MAD2L1: variants seen among roughly 807,000 people sequenced by gnomAD.
The protein encoded by MAD2L1 is mitotic arrest deficient 2 like 1, also known as mitotic spindle assembly checkpoint protein MAD2A.
A neutral mutation model predicts 25.9 loss-of-function variants in MAD2L1; 10 were observed. The observed-to-expected ratio is 0.39, with a 90% CI of 0.24 to 0.66. The LOEUF (loss-of-function observed/expected upper bound fraction) is 0.66, where lower values mean the gene tolerates loss of function less well. Among genes scored for constraint, MAD2L1 ranks in the 30% least tolerant of loss-of-function variants. The pLI, the probability that MAD2L1 is intolerant of heterozygous loss-of-function variation, is 0.49. For synonymous variants in MAD2L1, 81 were observed against 91.8 expected, an observed-to-expected ratio of 0.88 and a Z score of 0.67; for missense variants, 180 against 246.4, an observed-to-expected ratio of 0.73 and a Z score of 1.80.
At position 120,058,755 on chromosome 4, in the gene MAD2L1, A is replaced by C. The variant is rs996647865; in HGVS notation, c.*1363T>G. On this transcript the variant is annotated 3_prime_UTR_variant, in exon 5 of 5. Coordinates refer to ENST00000296509, the MANE Select transcript of MAD2L1 (RefSeq NM_002358.4). ...GTAACACCAGTGGTCCACTTATTCC[A>C]TAAAGATATGAAGAGTCTACAAATT... 2.6e-5 allele frequency: 4 copies of C among 152,234 alleles called. No homozygotes were observed. The highest frequency in any genetic ancestry group is 5.9e-5 in the Non-Finnish European group (4 of 68,036). The allele number at this position is 152,234 out of a possible 1,614,324, so 9.4% of individuals were successfully genotyped here.
At chr4:120,064,269 C>T (rs1726276422) in intron 2 of MAD2L1, among the ~76,000 whole-genome samples, 2 of 152,244 alleles carry the variant, frequency 1.3e-5, no homozygotes, top group Middle Eastern at 3.4e-3. Flanking sequence ...TCCTGACCCC[C>T]AATTTTGGAT....
At chr4:120,060,381 T>A in intron 4 of MAD2L1, 91 bp from the exon 5 acceptor site, 1 of 1,011,594 alleles carries the variant, frequency 9.9e-7, no homozygotes, top group Non-Finnish European at 1.4e-6. Flanking sequence ...CACTCACTGC[T>A]GGAAAAGGTC....
chr4:120,066,791 GCTCCAA>G lies in MAD2L1; in HGVS notation c.-63_-58del, dbSNP rs1176251908. The G allele has an allele frequency of 2.3e-6, 3 of 1,279,284 alleles. No individual in the cohort carries two copies. The African/African-American group carries it at 4.4e-5, about 19-fold the overall frequency. The allele number at this position is 1,279,284 out of a possible 1,614,324, so 79.2% of individuals were successfully genotyped here. On this transcript the variant is annotated 5_prime_UTR_variant, in exon 1 of 5. Transcript: ENST00000296509. ...CACTCCGCGGACAGCAACCACAGCG[GCTCCAA>G]CAGCACTTCCCCGCCAAGCGTTTCA... is the stretch of plus-strand genomic sequence containing the variant.
rs1387379483 is a variant in MAD2L1, at chr4:120,058,316, A to G, written c.*1802T>C. On this transcript the variant is annotated 3_prime_UTR_variant, in exon 5 of 5. Coordinates refer to ENST00000296509, the MANE Select transcript of MAD2L1 (RefSeq NM_002358.4). ...TATTGGTAGCTGAGTTGAAATGACC[A>G]GAGTATACACACAACCTTTAAAAAT... The G allele has an allele frequency of 2.0e-5, 3 of 152,240 alleles. No individual in the cohort carries two copies. Among genetic ancestry groups the G allele is most frequent in the Non-Finnish European group, 4.4e-5 (3 of 68,040 alleles). 9.4% of individuals were successfully genotyped at this position (152,240 alleles called of 1,614,324 possible).
At chr4:120,062,247 C>T (rs1302771144) in intron 2 of MAD2L1, 152 bp from the exon 3 acceptor site, 4 of 630,980 alleles carry the variant, frequency 6.3e-6, no homozygotes, top group Non-Finnish European at 1.1e-5. Flanking sequence ...CATCAATAAT[C>T]TAACTTCTGT....
In MAD2L1 at chr4:120,057,199, C is replaced by T. The variant is rs1726125943; in HGVS notation, c.*2919G>A. On this transcript the variant is annotated 3_prime_UTR_variant, in exon 5 of 5. Transcript: ENST00000296509. Reference sequence around the variant, plus strand: ...AGACCATATGCCTTCAAAAGCAGAACTATTTACTACCTGGCCATTTACAGA... The same window carrying T: ...AGACCATATGCCTTCAAAAGCAGAATTATTTACTACCTGGCCATTTACAGA... 6.6e-6 allele frequency: 1 copy of T among 152,190 alleles called. No individual in the cohort carries two copies. Among genetic ancestry groups the T allele is most frequent in the East Asian group, 1.9e-4 (1 of 5,172 alleles). 9.4% of individuals were successfully genotyped at this position (152,190 alleles called of 1,614,324 possible). A position where few individuals can be genotyped will look rare whatever the true frequency, so the allele number is the denominator to read the frequency against.
Position 120,055,961 on chromosome 4 carries a change from A to C in MAD2L1, c.*4157T>G, listed in dbSNP as rs1726101941. 1.3e-5 allele frequency: 2 copies of C among 152,232 alleles called. No individual in the cohort carries two copies. Among genetic ancestry groups the C allele is most frequent in the African/African-American group, 4.8e-5 (2 of 41,466 alleles). The allele number at this position is 152,232 out of a possible 1,614,324, so 9.4% of individuals were successfully genotyped here. A position where few individuals can be genotyped will look rare whatever the true frequency, so the allele number is the denominator to read the frequency against. On this transcript the variant is annotated 3_prime_UTR_variant, in exon 5 of 5. Transcript: ENST00000296509. ...CAAAGTCACCCAATAAAACATGAAT[A>C]AGTTTTGCAAAGCACAGTAAAGGAA...
chr4:120,061,437 A>C (rs1202292115), intron 3 of MAD2L1, among the ~76,000 whole-genome samples: 1 of 152,212 alleles, frequency 6.6e-6, no homozygotes, highest in Non-Finnish European at 1.5e-5. Context: ...AAAATTTCCT[A>C]AAATACACCA....
In MAD2L1 at chr4:120,056,482, T is replaced by C. The variant is rs1330146519; in HGVS notation, c.*3636A>G. ...ATAAGAGTTACAAAGTAGCATTACA[T>C]AGCTATTCTGATCTTTCATGTAAAT... On this transcript the variant is annotated 3_prime_UTR_variant, in exon 5 of 5. Coordinates refer to ENST00000296509, the MANE Select transcript of MAD2L1 (RefSeq NM_002358.4). 6.6e-6 allele frequency: 1 copy of C among 152,212 alleles called. No individual in the cohort carries two copies. The highest frequency in any genetic ancestry group is 1.5e-5 in the Non-Finnish European group (1 of 68,042). The allele number at this position is 152,212 out of a possible 1,614,324, so 9.4% of individuals were successfully genotyped here.
rs536937745 is a variant in MAD2L1, at chr4:120,066,752, A to C, written c.-18T>G. The C allele has an allele frequency of 6.3e-7, 1 of 1,582,144 alleles. No homozygotes were observed. Among genetic ancestry groups the C allele is most frequent in the South Asian group, 1.1e-5 (1 of 88,694 alleles). On this transcript the variant is annotated 5_prime_UTR_variant, in exon 1 of 5. Coordinates refer to ENST00000296509, the MANE Select transcript of MAD2L1 (RefSeq NM_002358.4). ...AGCGCCATGGCCAGGGACACAAACAAAAGCACGCGCTTCCACTCCGCGGAC... is the reference window on the plus strand; with the variant it reads ...AGCGCCATGGCCAGGGACACAAACACAAGCACGCGCTTCCACTCCGCGGAC...
At chr4:120,060,823 T>A (rs1284718253) in intron 4 of MAD2L1, 51 bp downstream of exon 4, 1 of 1,147,646 alleles carries the variant, frequency 8.7e-7, no homozygotes, top group Non-Finnish European at 1.3e-6. Context: ...GGCAGTAGCT[T>A]AGTCTTTTTG....
In MAD2L1 at chr4:120,066,716, G is replaced by C. The variant is rs375700698; in HGVS notation, c.19C>G (p.Arg7Gly). Residue 7 changes from arginine to glycine, a missense_variant, in exon 1 of 5, where the codon CGG becomes GGG. Arg to Gly is a moderately radical substitution (Grantham distance 125). Transcript: ENST00000296509. Reference sequence around the variant, plus strand: ...CCGCGCAGGGTGATTCCCTGCTCCCGGGAGAGCTGCAGCGCCATGGCCAGG... The same window carrying C: ...CCGCGCAGGGTGATTCCCTGCTCCCCGGAGAGCTGCAGCGCCATGGCCAGG... Reference protein sequence around the residue: MALQLSREQGITLRGSA... With the variant: MALQLSGEQGITLRGSA... 1.1e-5 allele frequency: 18 copies of C among 1,602,024 alleles called. No individual in the cohort carries two copies. The highest frequency in any genetic ancestry group is 1.4e-5 in the Non-Finnish European group (16 of 1,171,754).
chr4:120,056,149 A>G lies in MAD2L1; in HGVS notation c.*3969T>C, dbSNP rs1477893616. 6.6e-6 allele frequency: 1 copy of G among 152,186 alleles called. No homozygotes were observed. Among genetic ancestry groups the G allele is most frequent in the Non-Finnish European group, 1.5e-5 (1 of 68,036 alleles). 9.4% of individuals were successfully genotyped at this position (152,186 alleles called of 1,614,324 possible). A position where few individuals can be genotyped will look rare whatever the true frequency, so the allele number is the denominator to read the frequency against. ...CCTAAACTTCAAAAACCACAATACA[A>G]TTTGCATACTTCCTTGGCCAGGGAT... On this transcript the variant is annotated 3_prime_UTR_variant, in exon 5 of 5. Transcript: ENST00000296509.
At chr4:120,064,003 G>A (rs573875521) in intron 2 of MAD2L1, among the ~76,000 whole-genome samples, 3 of 152,022 alleles carry the variant, frequency 2.0e-5, no homozygotes, top group Non-Finnish European at 4.4e-5. Flanking sequence ...AAAACAAACC[G>A]AACAACTTGC....
rs138835443 is a variant in MAD2L1, at chr4:120,060,249, C to A, written c.487G>T (p.Val163Leu). 2 of 1,613,020 alleles carry A rather than the reference C, an allele frequency of 1.2e-6. No individual in the cohort carries two copies. Among genetic ancestry groups the A allele is most frequent in the Non-Finnish European group, 1.7e-6 (2 of 1,179,298 alleles). Residue 163 changes from valine (V) to leucine (L), a missense_variant, in exon 5 of 5, where the codon GTA (valine) becomes TTA (leucine). By Grantham distance (32) the Val-to-Leu change is conservative. Transcript: ENST00000296509. ...CCCGACTCTTCCCATTTTTCAGGTA[C>A]AACCAAATCTTTGTCTGTATAAATC... The part of the protein sequence containing the change: ...LLIYTDKDLV[V>L]PEKWEESGPQ...
rs1726096992 is a variant in MAD2L1, at chr4:120,055,690, AAAG to A, written c.*4425_*4427del. On this transcript the variant is annotated 3_prime_UTR_variant, in exon 5 of 5. Coordinates refer to ENST00000296509, the MANE Select transcript of MAD2L1 (RefSeq NM_002358.4). ...CTAGAAATATTTCATACATTTAAAA[AAAG>A]AATAAGAAATTATTTACAAGTTAAG... 1.3e-5 allele frequency: 2 copies of A among 152,208 alleles called. No homozygotes were observed. Among genetic ancestry groups the A allele is most frequent in the African/African-American group, 4.8e-5 (2 of 41,460 alleles). The allele number at this position is 152,208 out of a possible 1,614,324, so 9.4% of individuals were successfully genotyped here. A position where few individuals can be genotyped will look rare whatever the true frequency, so the allele number is the denominator to read the frequency against.
intron 2 of MAD2L1, among the ~76,000 whole-genome samples, chr4:120,062,864 T>A (rs1726248492): frequency 6.6e-6 from 1 of 152,212 alleles, no homozygotes; most frequent in African/African-American, 2.4e-5. Flanking sequence ...AGTCAATCAG[T>A]AATTCAAGCA....
rs1726131413 is a variant in MAD2L1, at chr4:120,057,588, C to T, written c.*2530G>A. 1 of 152,304 alleles carries T rather than the reference C, an allele frequency of 6.6e-6. No homozygotes were observed. Among genetic ancestry groups the T allele is most frequent in the Admixed American group, 6.5e-5 (1 of 15,280 alleles). 9.4% of individuals were successfully genotyped at this position (152,304 alleles called of 1,614,324 possible). On this transcript the variant is annotated 3_prime_UTR_variant, in exon 5 of 5. Transcript: ENST00000296509. ...CTTGATGGGCTTAACCTCTGTTCAT[C>T]CTCTACATATGGTAAGCAACACTGA...
In MAD2L1 at chr4:120,066,690, C is replaced by G; in HGVS notation, c.45G>C (p.Gly15=). ...AGAACTCGGCCACGATTTCGGCGCT[C>G]CCGCGCAGGGTGATTCCCTGCTCCC... The part of the protein sequence containing the change: ...LSREQGITLR[G]SAEIVAEFFS... Residue 15 remains glycine (G), a synonymous_variant, in exon 1 of 5, where the codon GGG becomes GGC. Transcript: ENST00000296509. 2.5e-6 allele frequency: 4 copies of G among 1,604,560 alleles called. No individual in the cohort carries two copies. The highest frequency in any genetic ancestry group is 3.4e-6 in the Non-Finnish European group (4 of 1,173,562).
Sources: gnomAD v4.1 joint callset for allele counts (sites outside exome capture counted in the v4.1 genomes callset) on GRCh38, gnomAD v4.1.1 for gene constraint, MANE v1.5 for transcripts, NCBI Gene and HGNC (gene_info 2026-07-23, HGNC 2026-07-21) for gene names.